WWTR1: variants seen among roughly 807,000 people sequenced by gnomAD.
The protein encoded by WWTR1 is WW domain-containing transcription regulator protein 1.
Under a neutral mutation model 40.1 loss-of-function variants are expected in WWTR1, and 13 were observed. That is an observed-to-expected ratio of 0.32 (90% CI 0.21 to 0.52). WWTR1 has a LOEUF of 0.52. WWTR1 is among the 20% of genes least tolerant of loss of function. The probability of loss-of-function intolerance (pLI) is 0.97; values close to 1 mark genes in which losing one functional copy is unlikely to be tolerated. For synonymous variants in WWTR1, 230 were observed against 210.1 expected, an observed-to-expected ratio of 1.09 and a Z score of -0.82; for missense variants, 436 against 523.1, an observed-to-expected ratio of 0.83 and a Z score of 1.63.
rs57470539 is a variant in WWTR1 at position 149,559,293 on chromosome 3, CAAAA to C, written c.568+13567_568+13570del. ...TGGGCAACAGAGCAAGACTCCATCT[CAAAA>C]AAAAAAAAAAAAAAAAGAAAAGAAA... On this transcript the variant is annotated intron_variant, in intron 3 of 6. Coordinates refer to ENST00000360632, the MANE Select transcript of WWTR1 (RefSeq NM_015472.6). 1.7e-4 allele frequency among the ~76,000 whole-genome samples: 10 copies of C among 58,102 alleles called. No homozygotes were observed. In the East Asian group the frequency reaches 2.0e-3, roughly 12 times the overall value. 38.1% of individuals were successfully genotyped at this position (58,102 alleles called of 152,430 possible).
chr3:149,683,750 G>A (rs950179864), intron 1 of WWTR1, among the ~76,000 whole-genome samples: 2 of 152,160 alleles, frequency 1.3e-5, no homozygotes, highest in Non-Finnish European at 2.9e-5. Context: ...CCAGGGGTCT[G>A]GCAAAGAGTA....
chr3:149,558,354 G>A (rs1172129088), intron 3 of WWTR1, among the ~76,000 whole-genome samples: 1 of 152,106 alleles, frequency 6.6e-6, no homozygotes, highest in African/African-American at 2.4e-5. Context: ...ATAATGTTCT[G>A]TGAAGCTTAA....
intron 3 of WWTR1, among the ~76,000 whole-genome samples, chr3:149,568,523 CAAAAAAAAAAAAAAAAAAAAAAAA>C (rs34414853): frequency 6.2e-5 from 4 of 64,804 alleles, no homozygotes; most frequent in Admixed American, 2.1e-4. Flanking sequence ...AATTAAAGTG[CAAAAAAAAAAAAAAAAAAAAAAAA>C]AAAAAAAAAA....
chr3:149,657,278 AGCGGAGGGG>A lies in WWTR1; in HGVS notation c.20_28del (p.Pro7_Pro9del). On this transcript the variant is annotated inframe_deletion, in exon 2 of 7. Coordinates refer to ENST00000360632, the MANE Select transcript of WWTR1 (RefSeq NM_015472.6). ...GATCACTTGCTGCCCAGGCGGCGGG[AGCGGAGGGG>A]GCGCCGAGGCCGGATTCATCTTCTG... 1.2e-6 allele frequency: 2 copies of A among 1,612,976 alleles called. No homozygotes were observed. Among genetic ancestry groups the A allele is most frequent in the Non-Finnish European group, 1.7e-6 (2 of 1,179,538 alleles).
chr3:149,621,003 T>C (rs1740240616), intron 2 of WWTR1, among the ~76,000 whole-genome samples: 2 of 152,214 alleles, frequency 1.3e-5, no homozygotes, highest in Admixed American at 1.3e-4. Flanking sequence ...ATAGGAACAA[T>C]TCTGTATTGG....
At chr3:149,721,244 C>T (rs764313779) in intron 4 of WWTR1, among the ~76,000 whole-genome samples, 13 of 152,152 alleles carry the variant, frequency 8.5e-5, no homozygotes, top group Non-Finnish European at 1.2e-4. Flanking sequence ...GGGTTATTCA[C>T]AGACAGCTTT....
chr3:149,592,436 T>TA (rs138886073), intron 2 of WWTR1, among the ~76,000 whole-genome samples: 1,995 of 152,230 alleles, frequency 0.013, 30 homozygotes, highest in African/African-American at 0.045. Context: ...TGACCAGAAC[T>TA]AAAAAAACTA....
chr3:149,634,689 T>C (rs936543814), intron 2 of WWTR1, among the ~76,000 whole-genome samples: 3 of 152,218 alleles, frequency 2.0e-5, no homozygotes, highest in African/African-American at 7.2e-5. Context: ...AGGCTGCTGT[T>C]GTGCAAGTCC....
At chr3:149,570,177 C>T (rs574647316) in intron 3 of WWTR1, among the ~76,000 whole-genome samples, 1 of 152,306 alleles carries the variant, frequency 6.6e-6, no homozygotes, top group South Asian at 2.1e-4. Flanking sequence ...ATCTGTGATT[C>T]TCCATAAGCT....
rs1736607930 is a variant in WWTR1, at chr3:149,551,276, C to G, written c.569-8739G>C. On this transcript the variant is annotated intron_variant, in intron 3 of 6. Coordinates refer to ENST00000360632, the MANE Select transcript of WWTR1 (RefSeq NM_015472.6). ...CCACGCCATTGCTCTCCAGCCTGGGCAGCAAGAGTGAAACTTCGTCTCCAA... is the reference window on the plus strand; with the variant it reads ...CCACGCCATTGCTCTCCAGCCTGGGGAGCAAGAGTGAAACTTCGTCTCCAA... Among the ~76,000 whole-genome samples the G allele has an allele frequency of 1.5e-5, 2 of 136,738 alleles. 1 individual carries two copies. The highest frequency in any genetic ancestry group is 5.6e-5 in the African/African-American group (2 of 35,504). The allele number at this position is 136,738 out of a possible 152,430, so 89.7% of individuals were successfully genotyped here. A position where few individuals can be genotyped will look rare whatever the true frequency, so the allele number is the denominator to read the frequency against.
chr3:149,565,021 T>A (rs1212956568), intron 3 of WWTR1, among the ~76,000 whole-genome samples: 1 of 151,956 alleles, frequency 6.6e-6, no homozygotes, highest in Non-Finnish European at 1.5e-5. Flanking sequence ...AACCTACCTC[T>A]ACTAAAAAGT....
At chr3:149,626,673 G>A (rs933904593) in intron 2 of WWTR1, among the ~76,000 whole-genome samples, 2 of 152,050 alleles carry the variant, frequency 1.3e-5, no homozygotes, top group African/African-American at 4.8e-5. Context: ...GAAGATACCA[G>A]AGGTATCTTC....
chr3:149,582,788 GT>G (rs1738216723), intron 2 of WWTR1, among the ~76,000 whole-genome samples: 1 of 152,066 alleles, frequency 6.6e-6, no homozygotes, highest in African/African-American at 2.4e-5. Flanking sequence ...AGTTTATTGT[GT>G]TGGAACTCCA....
intron 3 of WWTR1, among the ~76,000 whole-genome samples, chr3:149,571,199 ATTTTTTTTTCTTTTCTTTT>A (rs1737605767): frequency 7.3e-6 from 1 of 137,804 alleles, no homozygotes. Flanking sequence ...AAGTGTTTGA[ATTTTTTTTTCTTTTCTTTT>A]TTTTTTTTTT....
chr3:149,672,177 G>A (rs1175796170), intron 1 of WWTR1, among the ~76,000 whole-genome samples: 1 of 152,160 alleles, frequency 6.6e-6, no homozygotes, highest in Non-Finnish European at 1.5e-5. Context: ...AGTAGAATGT[G>A]CATCAGAGGC....
At position 149,520,075 on chromosome 3, in the gene WWTR1, T is replaced by C. The variant is rs1435384372; in HGVS notation, c.*730A>G. ...GCTCATAATTAGTACCAAACTGGTC[T>C]CTTTCACAAGATCTGTAGTGTAAGA... On this transcript the variant is annotated 3_prime_UTR_variant, in exon 7 of 7. Coordinates refer to ENST00000360632, the MANE Select transcript of WWTR1 (RefSeq NM_015472.6). 6.6e-6 allele frequency: 1 copy of C among 152,258 alleles called. No homozygotes were observed. The highest frequency in any genetic ancestry group is 1.5e-5 in the Non-Finnish European group (1 of 68,056). 9.4% of individuals were successfully genotyped at this position (152,258 alleles called of 1,614,324 possible). A position where few individuals can be genotyped will look rare whatever the true frequency, so the allele number is the denominator to read the frequency against.
chr3:149,644,473 C>T lies in WWTR1; in HGVS notation c.431+12403G>A, dbSNP rs370483417. 9.9e-5 allele frequency among the ~76,000 whole-genome samples: 15 copies of T among 152,234 alleles called. 1 individual carries two copies. In the East Asian group the frequency reaches 1.5e-3, roughly 16 times the overall value. ...CTCGAAAACCTGACCAGTTTTGGGC[C>T]AGCAGAGACGTCACTTTCTTGAACC... On this transcript the variant is annotated intron_variant, in intron 2 of 6. Transcript: ENST00000360632.
At chr3:149,700,144 A>G (rs1715126090) in intron 1 of WWTR1, among the ~76,000 whole-genome samples, 1 of 152,184 alleles carries the variant, frequency 6.6e-6, no homozygotes, top group African/African-American at 2.4e-5. Flanking sequence ...TGACAGTGGA[A>G]GCAGTAGCTT....
At chr3:149,694,784 AT>A (rs1175486530) in intron 1 of WWTR1, among the ~76,000 whole-genome samples, 9 of 152,254 alleles carry the variant, frequency 5.9e-5, no homozygotes, top group Admixed American at 5.9e-4. Flanking sequence ...AAAAACTACC[AT>A]ATGATCCAGC....
Sources: allele counts gnomAD v4.1 joint callset (sites outside exome capture counted in the v4.1 genomes callset), GRCh38; gene constraint gnomAD v4.1.1; transcripts MANE v1.5; gene names NCBI Gene and HGNC (gene_info 2026-07-23, HGNC 2026-07-21).